Variants in CDK12 observed in about 807,000 individuals in gnomAD.
The protein encoded by CDK12 is cyclin-dependent kinase 12.
In CDK12, 17 loss-of-function variants were observed where a neutral mutation model predicts 133.8. The observed-to-expected ratio is 0.13, with a 90% CI of 0.09 to 0.19. CDK12 has a LOEUF of 0.19. Among genes scored for constraint, CDK12 ranks in the 10% least tolerant of loss-of-function variants. CDK12 has a pLI of 1.00. For missense variants in CDK12, 1,508 were observed against 1,818.7 expected (o/e 0.83, Z 3.11); for synonymous variants, 694 against 683.6 (o/e 1.02, Z -0.24).
At chr17:39,529,334 A>G (rs2054686216) in intron 13 of CDK12, among the ~76,000 whole-genome samples, 1 of 152,222 alleles carries the variant, frequency 6.6e-6, no homozygotes, top group Non-Finnish European at 1.5e-5. Flanking sequence ...TCTTTGCAAA[A>G]TATAATTAAG....
At chr17:39,481,686 C>T (rs1597983851) in intron 2 of CDK12, among the ~76,000 whole-genome samples, 1 of 21,826 alleles carries the variant, frequency 4.6e-5, no homozygotes, top group African/African-American at 1.3e-4. Context: ...CTCTCTCTCT[C>T]TCTCTCTCTC....
Position 39,541,362 on chromosome 17 carries a change from C to CTT in CDK12, c.451-2865_451-2864dup, listed in dbSNP as rs201866427. 2.7e-3 allele frequency among the ~76,000 whole-genome samples: 369 copies of CTT among 137,080 alleles called. 3 individuals are homozygous for CTT. The highest frequency in any genetic ancestry group is 6.2e-3 in the African/African-American group (192 of 30,842). The allele number at this position is 137,080 out of a possible 152,430, so 89.9% of individuals were successfully genotyped here. ...TAATGGGAGGAGTTTGAGTTTGGCT[C>CTT]TTTTTTTTTTTTTTTTTTTTTTTGA... On this transcript the variant is annotated intron_variant and NMD_transcript_variant, in intron 1 of 4. Coordinates refer to the CDK12 transcript ENST00000559663.
rs148595735 is a variant in CDK12 at position 39,471,614 on chromosome 17, T to C, written c.1782T>C (p.Ala594=). 46 of 1,614,206 alleles carry C rather than the reference T, an allele frequency of 2.8e-5. No homozygotes were observed. The highest frequency in any genetic ancestry group is 1.8e-4 in the East Asian group (8 of 44,884). The change falls in exon 2 of 14, where the codon GCT becomes GCC. Residue 594 remains alanine (A), a synonymous_variant. Coordinates refer to ENST00000447079, the MANE Select transcript of CDK12 (RefSeq NM_016507.4). ...LPPSTHSKTS[A]VSSQANSQPP... The stretch of plus-strand genomic sequence containing the variant: ...CTTCTACTCACTCAAAGACATCTGC[T>C]GTGTCCTCTCAGGCAAATTCTCAGC...
intron 2 of CDK12, among the ~76,000 whole-genome samples, chr17:39,483,393 T>C (rs1403040239): frequency 6.6e-6 from 1 of 151,950 alleles, no homozygotes; most frequent in Non-Finnish European, 1.5e-5. Context: ...GCCTCTCAAG[T>C]AGCTTGGACT....
At chr17:39,556,626 C>T (rs945861845) in intron 3 of CDK12, among the ~76,000 whole-genome samples, 65 of 152,104 alleles carry the variant, frequency 4.3e-4, no homozygotes, top group Non-Finnish European at 8.8e-4. Flanking sequence ...CTGGCTTTTT[C>T]CCAGCTCCCC....
At chr17:39,530,296 T>C (rs1027389925) in intron 13 of CDK12, 4 of 250,302 alleles carry the variant, frequency 1.6e-5, no homozygotes, top group Non-Finnish European at 2.3e-5. Flanking sequence ...GGGCAGGGAG[T>C]CTGCCAACAG....
intron 7 of CDK12, among the ~76,000 whole-genome samples, chr17:39,510,963 C>A (rs2053467742): frequency 7.5e-6 from 1 of 133,870 alleles, no homozygotes; most frequent in African/African-American, 2.7e-5. Context: ...CGCCCGTAAT[C>A]CCAGCACTTT....
chr17:39,529,804 G>A (rs906954163), intron 13 of CDK12: 5 of 152,000 alleles, frequency 3.3e-5, no homozygotes, highest in African/African-American at 7.2e-5. Flanking sequence ...TCTTGTCACC[G>A]TCTCCAAGAT....
At chr17:39,484,371 G>A (rs537002358) in intron 2 of CDK12, among the ~76,000 whole-genome samples, 8 of 152,200 alleles carry the variant, frequency 5.3e-5, no homozygotes, top group East Asian at 1.9e-4. Flanking sequence ...GTACATCAGC[G>A]CTTCCTGGTA....
intron 13 of CDK12, 93 bp downstream of exon 13, chr17:39,526,409 C>T (rs2054504204): frequency 3.2e-6 from 3 of 925,074 alleles, no homozygotes; most frequent in Non-Finnish European, 4.8e-6. Flanking sequence ...ACATCAATGG[C>T]CTTGGTTTCA....
chr17:39,540,270 G>A (rs986602736), intron 1 of CDK12, among the ~76,000 whole-genome samples: 1 of 152,222 alleles, frequency 6.6e-6, no homozygotes, highest in African/African-American at 2.4e-5. Flanking sequence ...GGTGATGAAA[G>A]CTTGATAAGA....
downstream of CDK12, among the ~76,000 whole-genome samples, chr17:39,565,584 C>T (rs551447181): frequency 2.2e-4 from 34 of 152,256 alleles, no homozygotes; most frequent in South Asian, 6.0e-3. Flanking sequence ...CAGGCATGCA[C>T]CACCACGCCC....
At position 39,532,282 on chromosome 17, in the gene CDK12, C is replaced by T. The variant is rs2054911679; in HGVS notation, c.*966C>T. 1 of 233,250 alleles carries T rather than the reference C, an allele frequency of 4.3e-6. No homozygotes were observed. Among genetic ancestry groups the T allele is most frequent in the Non-Finnish European group, 8.5e-6 (1 of 118,012 alleles). The allele number at this position is 233,250 out of a possible 1,614,324, so 14.4% of individuals were successfully genotyped here. ...AGGAAATTCAGACTCTTACATTGTT[C>T]TCTGTAACTCTTCAATTCTAAAATG... is the stretch of plus-strand genomic sequence containing the variant. On this transcript the variant is annotated 3_prime_UTR_variant, in exon 14 of 14. Coordinates refer to ENST00000447079, the MANE Select transcript of CDK12 (RefSeq NM_016507.4).
intron 12 of CDK12, among the ~76,000 whole-genome samples, chr17:39,525,448 A>G (rs916759649): frequency 6.6e-6 from 1 of 152,204 alleles, no homozygotes; most frequent in African/African-American, 2.4e-5. Context: ...AGTGGCTTTT[A>G]ATACTGGCTG....
intron 6 of CDK12, among the ~76,000 whole-genome samples, chr17:39,509,096 G>C (rs556684743): frequency 6.6e-6 from 1 of 152,084 alleles, no homozygotes; most frequent in African/African-American, 2.4e-5. Context: ...TTGGCATCAC[G>C]TATGGGCCTG....
intron 4 of CDK12, 84 bp downstream of exon 4, chr17:39,492,974 A>C (rs1567725828): frequency 1.6e-5 from 19 of 1,195,592 alleles, no homozygotes; most frequent in Non-Finnish European, 2.1e-5. Context: ...GCAAAAGTAA[A>C]TTCTGAGGTG....
At chr17:39,475,359 G>C (rs1567694485) in intron 2 of CDK12, among the ~76,000 whole-genome samples, 1 of 151,952 alleles carries the variant, frequency 6.6e-6, no homozygotes, top group Non-Finnish European at 1.5e-5. Context: ...TTTAGCCCTA[G>C]CTACTTGGGA....
intron 3 of CDK12, among the ~76,000 whole-genome samples, chr17:39,492,099 C>CTTTTTT (rs781378233): frequency 1.6e-5 from 2 of 127,050 alleles, no homozygotes; most frequent in Non-Finnish European, 3.4e-5. Flanking sequence ...ATTTTCTTTT[C>CTTTTTT]TTTTTTTTTT....
intron 7 of CDK12, among the ~76,000 whole-genome samples, chr17:39,510,114 CTTTTTT>C (rs762953806): frequency 3.0e-4 from 38 of 125,468 alleles, no homozygotes; most frequent in African/African-American, 1.2e-3. Flanking sequence ...CAATCTCTCT[CTTTTTT>C]TTTTTTTTTT....
Sources: allele counts gnomAD v4.1 joint callset (sites outside exome capture counted in the v4.1 genomes callset), GRCh38; gene constraint gnomAD v4.1.1; transcripts MANE v1.5; gene names NCBI Gene and HGNC (gene_info 2026-07-23, HGNC 2026-07-21).